FAM227B: variants seen among roughly 807,000 people sequenced by gnomAD.
FAM227B encodes the protein protein FAM227B.
A neutral mutation model predicts 73.8 loss-of-function variants in FAM227B; 88 were observed. The ratio of observed to expected loss-of-function variants is 1.19; its 90% CI spans 1.00 to 1.42. The LOEUF (loss-of-function observed/expected upper bound fraction) is 1.42, where lower values mean the gene tolerates loss of function less well. FAM227B is among the 40% of genes most tolerant of loss of function. The pLI is 0.00. For synonymous variants in FAM227B, 210 were observed against 190.5 expected (o/e 1.10, Z -0.84); for missense variants, 632 against 590.9 (o/e 1.07, Z -0.72).
chr15:49,589,770 G>A lies in FAM227B; in HGVS notation c.337+6C>T, dbSNP rs1337677422. ...TCTATAAAAGATAAAAATAAATAAG[G>A]CTCACTTGTCTCAGAAATCATGCTT... On this transcript the variant is annotated splice_donor_region_variant and intron_variant, in intron 4 of 15. Coordinates refer to ENST00000299338, the MANE Select transcript of FAM227B (RefSeq NM_152647.3). The A allele has an allele frequency of 1.3e-6, 2 of 1,500,008 alleles. No homozygotes were observed. The highest frequency in any genetic ancestry group is 1.7e-5 in the Admixed American group (1 of 58,238). The allele number at this position is 1,500,008 out of a possible 1,614,324, so 92.9% of individuals were successfully genotyped here. A position where few individuals can be genotyped will look rare whatever the true frequency, so the allele number is the denominator to read the frequency against.
At chr15:49,338,242 T>C (rs2040100463) in intron 13 of FAM227B, among the ~76,000 whole-genome samples, 1 of 152,214 alleles carries the variant, frequency 6.6e-6, no homozygotes, top group South Asian at 2.1e-4. Flanking sequence ...CTTTACAATT[T>C]GGTATGTTTT....
intron 9 of FAM227B, among the ~76,000 whole-genome samples, chr15:49,543,436 T>C (rs72729180): frequency 0.055 from 8,314 of 152,196 alleles, 325 homozygotes; most frequent in East Asian, 0.13. Flanking sequence ...AGCTTGCAAA[T>C]GTTTGCACCG....
At chr15:49,435,475 T>C (rs1393316265) in intron 11 of FAM227B, among the ~76,000 whole-genome samples, 1 of 151,642 alleles carries the variant, frequency 6.6e-6, no homozygotes, top group East Asian at 1.9e-4. Context: ...ATTCATGAAG[T>C]ATGCTACTTT....
chr15:49,481,483 A>G (rs1490583867), intron 11 of FAM227B, among the ~76,000 whole-genome samples: 1 of 152,242 alleles, frequency 6.6e-6, no homozygotes, highest in Non-Finnish European at 1.5e-5. Context: ...TAAGCCTAGC[A>G]TAGAATTGGC....
chr15:49,476,057 A>G (rs1486597324), intron 11 of FAM227B, among the ~76,000 whole-genome samples: 3 of 152,062 alleles, frequency 2.0e-5, no homozygotes, highest in Non-Finnish European at 4.4e-5. Context: ...GGCCTTGCAC[A>G]TAGTACTTTT....
chr15:49,614,470 T>C (rs1340229685), intron 2 of FAM227B, among the ~76,000 whole-genome samples: 1 of 152,244 alleles, frequency 6.6e-6, no homozygotes, highest in African/African-American at 2.4e-5. Flanking sequence ...ACCAAATGCA[T>C]GTACTTCTCA....
chr15:49,445,998 C>G (rs931595755), intron 11 of FAM227B, among the ~76,000 whole-genome samples: 4 of 151,352 alleles, frequency 2.6e-5, no homozygotes, highest in African/African-American at 9.7e-5. Flanking sequence ...TGAATTTTTT[C>G]CTTACTGGAA....
chr15:49,351,180 C>T (rs1277361907), intron 13 of FAM227B, among the ~76,000 whole-genome samples: 3 of 152,126 alleles, frequency 2.0e-5, no homozygotes, highest in South Asian at 2.1e-4. Context: ...ATAAGAACTG[C>T]ATAGGCACAG....
At chr15:49,545,050 T>C (rs941583852) in intron 9 of FAM227B, among the ~76,000 whole-genome samples, 1 of 152,182 alleles carries the variant, frequency 6.6e-6, no homozygotes. Flanking sequence ...TTTCACCATC[T>C]TGTGGAATAG....
chr15:49,378,144 CTT>C (rs1228811223), intron 11 of FAM227B, among the ~76,000 whole-genome samples: 1 of 151,966 alleles, frequency 6.6e-6, no homozygotes, highest in Non-Finnish European at 1.5e-5. Flanking sequence ...GTTCTTGGCA[CTT>C]TTGTTAAAAA....
At chr15:49,377,835 C>A (rs1364456695) in intron 11 of FAM227B, among the ~76,000 whole-genome samples, 1 of 152,004 alleles carries the variant, frequency 6.6e-6, no homozygotes, top group African/African-American at 2.4e-5. Flanking sequence ...TGATTGTATC[C>A]TCTGCTGTAC....
At chr15:49,359,268 CA>C (rs1328921829) in intron 13 of FAM227B, among the ~76,000 whole-genome samples, 1 of 135,400 alleles carries the variant, frequency 7.4e-6, no homozygotes, top group Non-Finnish European at 1.6e-5. Flanking sequence ...AGCTTCTGCA[CA>C]GCAAAAGAAA....
Position 49,327,952 on chromosome 15 carries a change from G to T in FAM227B, c.*616C>A. ...AATATTTTTTTCCTCACTGTTTTAG[G>T]AAGTTTGGGGCTCAAGGGTCACGAC... On this transcript the variant is annotated 3_prime_UTR_variant, in exon 16 of 16. Coordinates refer to ENST00000299338, the MANE Select transcript of FAM227B (RefSeq NM_152647.3). 1 of 1,606,154 alleles carries T rather than the reference G, an allele frequency of 6.2e-7. No individual in the cohort carries two copies. The highest frequency in any genetic ancestry group is 8.5e-7 in the Non-Finnish European group (1 of 1,175,446).
chr15:49,341,791 A>G (rs1472743590), intron 13 of FAM227B, among the ~76,000 whole-genome samples: 1 of 152,012 alleles, frequency 6.6e-6, no homozygotes, highest in East Asian at 1.9e-4. Flanking sequence ...TTCTGCCTTA[A>G]TTTCATTGTT....
At chr15:49,465,497 A>G (rs897652599) in intron 11 of FAM227B, among the ~76,000 whole-genome samples, 2 of 152,136 alleles carry the variant, frequency 1.3e-5, no homozygotes, top group Non-Finnish European at 2.9e-5. Flanking sequence ...TATCTTACAG[A>G]GTACATAGAA....
intron 11 of FAM227B, among the ~76,000 whole-genome samples, chr15:49,507,048 C>G (rs2058635642): frequency 6.6e-6 from 1 of 151,894 alleles, no homozygotes; most frequent in Non-Finnish European, 1.5e-5. Flanking sequence ...AGATAGTAGA[C>G]TATTACTCTT....
intron 11 of FAM227B, among the ~76,000 whole-genome samples, chr15:49,494,746 T>C (rs1301252135): frequency 3.9e-5 from 6 of 152,172 alleles, no homozygotes; most frequent in Non-Finnish European, 8.8e-5. Flanking sequence ...TACTGTTTTG[T>C]TCCCTTATGT....
intron 13 of FAM227B, among the ~76,000 whole-genome samples, chr15:49,340,728 T>G (rs2040593588): frequency 6.6e-6 from 1 of 152,162 alleles, no homozygotes; most frequent in Non-Finnish European, 1.5e-5. Flanking sequence ...ATTGACTACG[T>G]TGATGTTTTA....
chr15:49,519,358 C>T (rs995156532), intron 10 of FAM227B, among the ~76,000 whole-genome samples: 1 of 152,190 alleles, frequency 6.6e-6, no homozygotes, highest in Non-Finnish European at 1.5e-5. Context: ...TAGGCAGTAC[C>T]CCCGTGGGGA....
Sources: gnomAD v4.1 joint callset for allele counts (sites outside exome capture counted in the v4.1 genomes callset) on GRCh38, gnomAD v4.1.1 for gene constraint, MANE v1.5 for transcripts, NCBI Gene and HGNC (gene_info 2026-07-23, HGNC 2026-07-21) for gene names.